HDAC4: variants seen among roughly 807,000 people sequenced by gnomAD.
HDAC4 encodes histone deacetylase 4.
Under a neutral mutation model 135.1 loss-of-function variants are expected in HDAC4, and 16 were observed. The ratio of observed to expected loss-of-function variants is 0.12; its 90% CI spans 0.08 to 0.18. The LOEUF is 0.18. Among genes scored for constraint, HDAC4 ranks in the 10% least tolerant of loss-of-function variants. The probability of loss-of-function intolerance (pLI) is 1.00; values close to 1 mark genes in which losing one functional copy is unlikely to be tolerated. For missense variants in HDAC4, 1,143 were observed against 1,511.8 expected (o/e 0.76, Z 4.05); for synonymous variants, 685 against 653.4 (o/e 1.05, Z -0.74).
rs2052404495 is a variant in HDAC4, at chr2:239,303,682, C to A, written c.22+48996G>T. 6.6e-6 allele frequency among the ~76,000 whole-genome samples: 1 copy of A among 152,162 alleles called. No homozygotes were observed. The highest frequency in any genetic ancestry group is 2.4e-5 in the African/African-American group (1 of 41,432). ...AAATTCAAGTCAGCCCTGATGCTGT[C>A]CATGTTTTTTGTAAAACTTGCTCAC... On this transcript the variant is annotated intron_variant, in intron 2 of 26. Coordinates refer to ENST00000543185, the MANE Select transcript of HDAC4 (RefSeq NM_001378414.1). The surrounding 1 kb of genome is among the most constrained non-coding windows in gnomAD (Gnocchi z 5.1).
At chr2:239,391,143 T>C (rs1696176673) in intron 1 of HDAC4, among the ~76,000 whole-genome samples, 1 of 152,110 alleles carries the variant, frequency 6.6e-6, no homozygotes, top group Non-Finnish European at 1.5e-5. Context: ...TGAGCCACCA[T>C]CACGAGCCGG....
At chr2:239,243,427 C>T (rs1332043256) in intron 2 of HDAC4, among the ~76,000 whole-genome samples, 13 of 152,174 alleles carry the variant, frequency 8.5e-5, no homozygotes, top group Non-Finnish European at 1.9e-4. Context: ...GCTGGGATTA[C>T]AGGCGTGAGC....
chr2:239,129,525 G>A (rs1250731923), intron 11 of HDAC4, among the ~76,000 whole-genome samples: 1 of 152,168 alleles, frequency 6.6e-6, no homozygotes, highest in Non-Finnish European at 1.5e-5. Flanking sequence ...ATCTTAGCCA[G>A]GGTTTTTCCA....
rs1336232553 is a variant in HDAC4, at chr2:239,176,465, CTGCTTCTCCAGCTCCTGCTCCTGGCGG to C, written c.411_437del (p.His137_Lys145del). On this transcript the variant is annotated inframe_deletion, in exon 5 of 27. Coordinates refer to ENST00000543185, the MANE Select transcript of HDAC4 (RefSeq NM_001378414.1). The stretch of plus-strand genomic sequence containing the variant: ...GCTGCTGCAGCTTCTGCTCCCGGTG[CTGCTTCTCCAGCTCCTGCTCCTGGCGG>C]TGCCTCTCCAGCTTCCGCTGGTGTT... 1 of 1,613,322 alleles carries C rather than the reference CTGCTTCTCCAGCTCCTGCTCCTGGCGG, an allele frequency of 6.2e-7. No homozygotes were observed. Among genetic ancestry groups the C allele is most frequent in the Non-Finnish European group, 8.5e-7 (1 of 1,179,800 alleles).
chr2:239,361,696 G>A (rs1018812078), intron 1 of HDAC4, among the ~76,000 whole-genome samples: 58 of 152,234 alleles, frequency 3.8e-4, no homozygotes, highest in Admixed American at 1.2e-3. Flanking sequence ...CCATCAGTCA[G>A]CTGTCTGCCT....
At chr2:239,202,721 C>T (rs373043788) in intron 3 of HDAC4, among the ~76,000 whole-genome samples, 5 of 152,132 alleles carry the variant, frequency 3.3e-5, no homozygotes, top group African/African-American at 7.2e-5. Context: ...AAGGCTTCCT[C>T]GATGGAGCTG....
intron 4 of HDAC4, among the ~76,000 whole-genome samples, chr2:239,182,267 G>A (rs986787937): frequency 2.6e-5 from 4 of 152,176 alleles, no homozygotes; most frequent in African/African-American, 9.6e-5. Flanking sequence ...GTCATGGCGA[G>A]CCCCTCCCCT....
rs191775732 is a variant in HDAC4, at chr2:239,281,459, C to A, written c.23-44795G>T. Among the ~76,000 whole-genome samples, 322 of 144,844 alleles carry A rather than the reference C, an allele frequency of 2.2e-3. 2 individuals are homozygous for A. Among genetic ancestry groups the A allele is most frequent in the African/African-American group, 8.6e-3 (310 of 36,078 alleles). On this transcript the variant is annotated intron_variant, in intron 2 of 26. Coordinates refer to ENST00000543185, the MANE Select transcript of HDAC4 (RefSeq NM_001378414.1). Reference sequence around the variant, plus strand: ...ACTCTACAATGAACACACCACTCTACACACCACTCTACAATGTACACACCA... The same window carrying A: ...ACTCTACAATGAACACACCACTCTAAACACCACTCTACAATGTACACACCA...
chr2:239,094,766 A>G, intron 17 of HDAC4: 1 of 1,369,508 alleles, frequency 7.3e-7, no homozygotes. Flanking sequence ...TTAAAGCGAG[A>G]GCCACTGCAC....
intron 2 of HDAC4, among the ~76,000 whole-genome samples, chr2:239,301,382 CCACAGCCAGTGATGCCAGG>C (rs1238748881): frequency 6.6e-6 from 1 of 152,206 alleles, no homozygotes; most frequent in Admixed American, 6.5e-5. Context: ...GAGCAGCAGC[CCACAGCCAGTGATGCCAGG>C]CGAGGCCAGT....
intron 1 of HDAC4, among the ~76,000 whole-genome samples, chr2:239,380,192 T>G (rs1575782073): frequency 6.6e-6 from 1 of 152,202 alleles, no homozygotes; most frequent in Non-Finnish European, 1.5e-5. Context: ...ACCAGAGGAA[T>G]AAGAAGAAAT....
At chr2:239,154,815 G>C (rs1375333315) in intron 7 of HDAC4, 1 of 152,180 alleles carries the variant, frequency 6.6e-6, no homozygotes, top group Non-Finnish European at 1.5e-5. Context: ...TGAAATCCAG[G>C]ACCATTCTCA....
intron 6 of HDAC4, among the ~76,000 whole-genome samples, chr2:239,160,336 G>A (rs879710669): frequency 5.3e-5 from 8 of 152,190 alleles, no homozygotes; most frequent in Non-Finnish European, 1.2e-4. Flanking sequence ...GTCCTGGTCG[G>A]ACCCAGCCAC....
intron 16 of HDAC4, among the ~76,000 whole-genome samples, chr2:239,096,428 C>T (rs1245818088): frequency 7.2e-6 from 1 of 138,122 alleles, no homozygotes; most frequent in African/African-American, 2.7e-5. Context: ...CCACCACGGA[C>T]GACTGCACCC....
At chr2:239,282,955 C>A (rs1265106061) in intron 2 of HDAC4, among the ~76,000 whole-genome samples, 1 of 151,852 alleles carries the variant, frequency 6.6e-6, no homozygotes, top group African/African-American at 2.4e-5. Flanking sequence ...ACACACCACT[C>A]TACAATGTAC....
At chr2:239,321,308 AC>A (rs2053300748) in intron 2 of HDAC4, among the ~76,000 whole-genome samples, 1 of 152,018 alleles carries the variant, frequency 6.6e-6, no homozygotes, top group South Asian at 2.1e-4. Context: ...TACTAAAAAT[AC>A]AAAAAATTAG....
chr2:239,182,440 T>C (rs1281278841), intron 4 of HDAC4, among the ~76,000 whole-genome samples: 1 of 152,118 alleles, frequency 6.6e-6, no homozygotes, highest in Non-Finnish European at 1.5e-5. Flanking sequence ...CACCATCATT[T>C]CAAAAAGAAT....
rs181801414 is a variant in HDAC4, at chr2:239,083,614, G to A, written c.2532+541C>T. ...ATGAATATCTTGAATATTAATTTCCGGTATAAGAATGAGTATACCTATTCG... is the reference window on the plus strand; with the variant it reads ...ATGAATATCTTGAATATTAATTTCCAGTATAAGAATGAGTATACCTATTCG... On this transcript the variant is annotated intron_variant, in intron 20 of 26. Coordinates refer to ENST00000543185, the MANE Select transcript of HDAC4 (RefSeq NM_001378414.1). 1.7e-3 allele frequency among the ~76,000 whole-genome samples: 254 copies of A among 152,164 alleles called. 1 individual carries two copies. The highest frequency in any genetic ancestry group is 5.6e-3 in the African/African-American group (233 of 41,490).
At chr2:239,159,418 C>T (rs1439679931) in intron 6 of HDAC4, among the ~76,000 whole-genome samples, 1 of 146,088 alleles carries the variant, frequency 6.8e-6, no homozygotes, top group Non-Finnish European at 1.5e-5. Flanking sequence ...CCTCACCTTA[C>T]ACAAACTCAT....
Sources: allele counts gnomAD v4.1 joint callset (sites outside exome capture counted in the v4.1 genomes callset), GRCh38; gene constraint gnomAD v4.1.1; non-coding constraint Gnocchi (gnomAD v3.1); transcripts MANE v1.5; gene names NCBI Gene and HGNC (gene_info 2026-07-23, HGNC 2026-07-21).